ESRRA: variants seen among roughly 807,000 people sequenced by gnomAD.
The protein encoded by ESRRA is estrogen related receptor alpha.
In ESRRA, 7 loss-of-function variants were observed where a neutral mutation model predicts 35.6. That is an observed-to-expected ratio of 0.20 (90% CI 0.11 to 0.37). ESRRA has a LOEUF of 0.37. Ranked by LOEUF, ESRRA falls within the 10% of genes least tolerant of loss-of-function variation. ESRRA has a pLI of 1.00. For synonymous variants in ESRRA, 223 were observed against 246.9 expected, an observed-to-expected ratio of 0.90 and a Z score of 0.91; for missense variants, 378 against 561.7, an observed-to-expected ratio of 0.67 and a Z score of 3.31.
Position 64,315,695 on chromosome 11 carries a change from C to G in ESRRA, c.1013-12C>G. ...TAGCCCAGGCCAACACCACATTCCTCTCTTCTTGCAGACTCTGTGCACATC... is the reference window on the plus strand; with the variant it reads ...TAGCCCAGGCCAACACCACATTCCTGTCTTCTTGCAGACTCTGTGCACATC... On this transcript the variant is annotated splice_polypyrimidine_tract_variant and intron_variant, in intron 6 of 6. Coordinates refer to ENST00000000442, the MANE Select transcript of ESRRA (RefSeq NM_004451.5). 2 of 1,612,374 alleles carry G rather than the reference C, an allele frequency of 1.2e-6. No individual in the cohort carries two copies. The highest frequency in any genetic ancestry group is 4.5e-5 in the East Asian group (2 of 44,812).
intron 2 of ESRRA, among the ~76,000 whole-genome samples, chr11:64,311,355 A>C (rs2035135728): frequency 1.3e-5 from 2 of 150,440 alleles, no homozygotes; most frequent in African/African-American, 4.9e-5. Flanking sequence ...GACTTGTCTT[A>C]TTACCGCTGT....
At position 64,305,732 on chromosome 11, in the gene ESRRA, C is replaced by T. The variant is rs1007647523; in HGVS notation, c.-17C>T. ...GCCTGCCCGACCGCGCTGCCGGAGC[C>T]CCAGGTCCGGGGGCGGAGGGGAGCG... is the stretch of plus-strand genomic sequence containing the variant. On this transcript the variant is annotated 5_prime_UTR_variant, in exon 1 of 7. Coordinates refer to ENST00000000442, the MANE Select transcript of ESRRA (RefSeq NM_004451.5). This position sits in a 1 kb window ranked among gnomAD's most constrained non-coding sequence, Gnocchi z 5.8. 10 of 149,508 alleles carry T rather than the reference C, an allele frequency of 6.7e-5. No individual in the cohort carries two copies. The highest frequency in any genetic ancestry group is 1.2e-4 in the Non-Finnish European group (8 of 66,956). 9.3% of individuals were successfully genotyped at this position (149,508 alleles called of 1,614,324 possible).
At chr11:64,314,429 A>C in intron 4 of ESRRA, 62 bp downstream of exon 4, 1 of 1,462,994 alleles carries the variant, frequency 6.8e-7, no homozygotes, top group South Asian at 1.4e-5. Context: ...CATCATAGTT[A>C]CCTTGGGCAC....
rs977363025 is a variant in ESRRA, at chr11:64,316,222, G to A, written c.*256G>A. 10 of 439,908 alleles carry A rather than the reference G, an allele frequency of 2.3e-5. No individual in the cohort carries two copies. The highest frequency in any genetic ancestry group is 1.6e-4 in the African/African-American group (8 of 50,018). The allele number at this position is 439,908 out of a possible 1,614,324, so 27.3% of individuals were successfully genotyped here. The stretch of plus-strand genomic sequence containing the variant: ...CCATAACGTGCCCCCAGAGTGTAGG[G>A]GGCCTTGCGGAAGCCATAGGGGGCT... On this transcript the variant is annotated 3_prime_UTR_variant, in exon 7 of 7. Transcript: ENST00000000442.
Position 64,314,035 on chromosome 11 carries a change from C to T in ESRRA, c.410C>T (p.Thr137Ile). The T allele has an allele frequency of 3.1e-6, 5 of 1,591,596 alleles. No individual in the cohort carries two copies. The highest frequency in any genetic ancestry group is 4.3e-6 in the Non-Finnish European group (5 of 1,168,606). ...RRKACQACRFTKCLRVGMLKE... is the reference protein window; with the variant it reads ...RRKACQACRFIKCLRVGMLKE... ...AAGGCCTGCCAGGCCTGCCGCTTCA[C>T]CAAGTGCCTGCGGGTGGGCATGCTC... is the stretch of plus-strand genomic sequence containing the variant. The change falls in exon 3 of 7, where the codon ACC becomes ATC. Residue 137 changes from threonine (T) to isoleucine (I), a missense_variant. Thr to Ile is a moderately conservative substitution (Grantham distance 89). Around this residue, in one of 4 missense-constraint regions of ESRRA, gnomAD observed 284 missense variants for 411.7 expected, o/e 0.69. Transcript: ENST00000000442.
At chr11:64,309,258 C>T (rs1466409488) in intron 2 of ESRRA, among the ~76,000 whole-genome samples, 1 of 151,770 alleles carries the variant, frequency 6.6e-6, no homozygotes, top group Non-Finnish European at 1.5e-5. Context: ...CATGGTAAAA[C>T]CCCGTCTCTA....
At chr11:64,308,094 G>T (rs1332487606) in intron 2 of ESRRA, among the ~76,000 whole-genome samples, 1 of 152,080 alleles carries the variant, frequency 6.6e-6, no homozygotes, top group African/African-American at 2.4e-5. Context: ...GTTTCACCAT[G>T]TCGGCCAGGC....
chr11:64,314,103 G>T (rs749691342), intron 3 of ESRRA, 36 bp downstream of exon 3: 2 of 1,560,634 alleles, frequency 1.3e-6, no homozygotes, highest in Non-Finnish European at 8.7e-7. Flanking sequence ...AGGGCTGGGG[G>T]AGTCGGGGAC....
intron 2 of ESRRA, among the ~76,000 whole-genome samples, chr11:64,312,513 C>T (rs765996617): frequency 6.6e-6 from 1 of 152,140 alleles, no homozygotes; most frequent in Non-Finnish European, 1.5e-5. Flanking sequence ...AAATGTGCTG[C>T]GGGCCTGCTG....
chr11:64,316,099 C>G lies in ESRRA; in HGVS notation c.*133C>G. 1 of 1,115,858 alleles carries G rather than the reference C, an allele frequency of 9.0e-7. No individual in the cohort carries two copies. Among genetic ancestry groups the G allele is most frequent in the Non-Finnish European group, 1.3e-6 (1 of 783,942 alleles). The allele number at this position is 1,115,858 out of a possible 1,614,324, so 69.1% of individuals were successfully genotyped here. A position where few individuals can be genotyped will look rare whatever the true frequency, so the allele number is the denominator to read the frequency against. ...AGGGCCAGGGCAATGCCATCAGCCC[C>G]TGGGAACAGGCCCCACGCCCTCTCC... On this transcript the variant is annotated 3_prime_UTR_variant, in exon 7 of 7. Transcript: ENST00000000442.
chr11:64,311,361 G>A (rs1250160609), intron 2 of ESRRA, among the ~76,000 whole-genome samples: 2 of 152,016 alleles, frequency 1.3e-5, no homozygotes, highest in Admixed American at 6.5e-5. Flanking sequence ...TCTTATTACC[G>A]CTGTGGTATG....
Position 64,315,581 on chromosome 11 carries a change from T to C in ESRRA, c.1013-126T>C. On this transcript the variant is annotated intron_variant, in intron 6 of 6. Coordinates refer to ENST00000000442, the MANE Select transcript of ESRRA (RefSeq NM_004451.5). Reference sequence around the variant, plus strand: ...GAGCCGCAGCAATGAGTGGTGCCTCTCAGTCAGCCAATCAACAAATCCTCG... The same window carrying C: ...GAGCCGCAGCAATGAGTGGTGCCTCCCAGTCAGCCAATCAACAAATCCTCG... 4 of 1,340,086 alleles carry C rather than the reference T, an allele frequency of 3.0e-6. 1 individual carries two copies. The South Asian group carries it at 5.3e-5, about 18-fold the overall frequency. The allele number at this position is 1,340,086 out of a possible 1,614,324, so 83.0% of individuals were successfully genotyped here.
At chr11:64,311,669 C>A (rs889651387) in intron 2 of ESRRA, among the ~76,000 whole-genome samples, 3 of 151,818 alleles carry the variant, frequency 2.0e-5, no homozygotes, top group Admixed American at 2.0e-4. Context: ...CCGCCTCGGC[C>A]TCCCAAAGTG....
chr11:64,313,972 C>A lies in ESRRA; in HGVS notation c.347C>A (p.Pro116Gln), dbSNP rs749910827. The A allele has an allele frequency of 1.3e-6, 2 of 1,579,984 alleles. No homozygotes were observed. The highest frequency in any genetic ancestry group is 1.7e-6 in the Non-Finnish European group (2 of 1,163,248). ...TIQGSIEYSC[P>Q]ASNECEITKR... Reference sequence around the variant, plus strand: ...GCAGGGAGCATCGAGTACAGCTGTCCGGCCTCCAACGAGTGTGAGATCACC... The same window carrying A: ...GCAGGGAGCATCGAGTACAGCTGTCAGGCCTCCAACGAGTGTGAGATCACC... Residue 116 changes from proline (P) to glutamine (Q), a missense_variant, in exon 3 of 7, where the codon CCG becomes CAG. Transcript: ENST00000000442. This position sits in a 1 kb window ranked among gnomAD's most constrained non-coding sequence, Gnocchi z 4.0.
chr11:64,314,356 C>T lies in ESRRA; in HGVS notation c.560C>T (p.Pro187Leu). 3 of 1,582,508 alleles carry T rather than the reference C, an allele frequency of 1.9e-6. No individual in the cohort carries two copies. Among genetic ancestry groups the T allele is most frequent in the Non-Finnish European group, 2.6e-6 (3 of 1,164,102 alleles). Residue 187 changes from proline (P) to leucine (L), a missense_variant, in exon 4 of 7, where the codon CCC (proline) becomes CTC (leucine). By Grantham distance (98) the Pro-to-Leu change is moderately conservative. This residue lies in a region of ESRRA where 284 missense variants were observed against 411.7 expected (regional missense o/e 0.69). Transcript: ENST00000000442. ...GGGCCCCTGGCAGTCGCTGGAGGCC[C>T]CCGGAAGACAGGTGAGAGCACTGTG... is the stretch of plus-strand genomic sequence containing the variant. ...PAGPLAVAGG[P>L]RKTAAPVNAL...
At chr11:64,308,048 C>A (rs1428350269) in intron 2 of ESRRA, among the ~76,000 whole-genome samples, 1 of 152,082 alleles carries the variant, frequency 6.6e-6, no homozygotes, top group Non-Finnish European at 1.5e-5. Context: ...TGCACCACCA[C>A]GCCCAGCTAA....
At position 64,314,386 on chromosome 11, in the gene ESRRA, C is replaced by T; in HGVS notation, c.571+19C>T. On this transcript the variant is annotated intron_variant, in intron 4 of 6. Transcript: ENST00000000442. Reference sequence around the variant, plus strand: ...AAGACAGGTGAGAGCACTGTGGGTACCTGGGGCTACGAAACCGGAGGCCTA... The same window carrying T: ...AAGACAGGTGAGAGCACTGTGGGTATCTGGGGCTACGAAACCGGAGGCCTA... 2.6e-6 allele frequency: 4 copies of T among 1,534,528 alleles called. No homozygotes were observed. Among genetic ancestry groups the T allele is most frequent in the Middle Eastern group, 3.4e-4 (2 of 5,838 alleles).
intron 1 of ESRRA, chr11:64,306,442 G>C (rs1360745461): frequency 6.6e-6 from 1 of 152,572 alleles, no homozygotes; most frequent in Non-Finnish European, 1.5e-5. Flanking sequence ...GGGCAGCCGC[G>C]TGTCAGGTGT....
chr11:64,307,259 C>T lies in ESRRA; in HGVS notation c.80C>T (p.Ser27Leu), dbSNP rs374574706. The change falls in exon 2 of 7, where the codon TCG (serine) becomes TTG (leucine). Residue 27 changes from serine to leucine, a missense_variant. Physicochemically the swap from Ser to Leu is moderately radical, Grantham distance 145. Transcript: ENST00000000442. ...PASPDSPKGS[S>L]ETETEPPVAL... ...AGCCCTGACAGTCCAAAGGGTTCCTCGGAGACAGAGACCGAGCCTCCTGTG... is the reference window on the plus strand; with the variant it reads ...AGCCCTGACAGTCCAAAGGGTTCCTTGGAGACAGAGACCGAGCCTCCTGTG... The T allele has an allele frequency of 2.2e-5, 36 of 1,613,432 alleles. No individual in the cohort carries two copies. Among genetic ancestry groups the T allele is most frequent in the Admixed American group, 1.3e-4 (8 of 59,968 alleles).
Sources: gnomAD v4.1 joint callset for allele counts (sites outside exome capture counted in the v4.1 genomes callset) on GRCh38, gnomAD v4.1.1 for gene constraint, gnomAD v4.1.1 regional missense constraint, Gnocchi (gnomAD v3.1) non-coding constraint, MANE v1.5 for transcripts, NCBI Gene and HGNC (gene_info 2026-07-23, HGNC 2026-07-21) for gene names.